EPHA6: variants seen among roughly 807,000 people sequenced by gnomAD.
EPHA6 encodes ephrin type-A receptor 6.
Under a neutral mutation model 112.0 loss-of-function variants are expected in EPHA6, and 50 were observed. The ratio of observed to expected loss-of-function variants is 0.45; its 90% CI spans 0.36 to 0.56. The LOEUF (loss-of-function observed/expected upper bound fraction) is 0.56, where lower values mean the gene tolerates loss of function less well. Among genes scored for constraint, EPHA6 ranks in the 20% least tolerant of loss-of-function variants. The probability of loss-of-function intolerance (pLI) is 0.00; values close to 1 mark genes in which losing one functional copy is unlikely to be tolerated. For missense variants in EPHA6, 1,280 were observed against 1,417.4 expected, an observed-to-expected ratio of 0.90 and a Z score of 1.56; for synonymous variants, 529 against 490.7, an observed-to-expected ratio of 1.08 and a Z score of -1.03.
At chr3:97,084,280 AAGTT>A (rs1470763382) in intron 3 of EPHA6, among the ~76,000 whole-genome samples, 2 of 151,322 alleles carry the variant, frequency 1.3e-5, no homozygotes, top group African/African-American at 4.8e-5. Context: ...TACACAAAAA[AAGTT>A]AGAGCCAAAT....
rs1300752612 is a variant in EPHA6 at position 97,187,675 on chromosome 3, GAGAA to G, written c.1115-38580_1115-38577del. On this transcript the variant is annotated intron_variant, in intron 3 of 17. Transcript: ENST00000389672. ...GAAAGAAAGAAAGGAAAGAAAGAAA[GAGAA>G]AGAAAGAAGGAAAGAAAGAAAGAAA... 5.4e-4 allele frequency among the ~76,000 whole-genome samples: 42 copies of G among 77,110 alleles called. 1 individual carries two copies. Among genetic ancestry groups the G allele is most frequent in the African/African-American group, 1.6e-3 (30 of 18,664 alleles). The allele number at this position is 77,110 out of a possible 152,430, so 50.6% of individuals were successfully genotyped here.
chr3:97,201,047 A>T (rs1285899540), intron 3 of EPHA6, among the ~76,000 whole-genome samples: 2 of 152,160 alleles, frequency 1.3e-5, no homozygotes, highest in African/African-American at 4.8e-5. Context: ...ATAGAGGAAA[A>T]CATGTCTAAA....
intron 14 of EPHA6, among the ~76,000 whole-genome samples, chr3:97,639,890 TG>T (rs1465156046): frequency 2.0e-5 from 3 of 152,140 alleles, no homozygotes; most frequent in Non-Finnish European, 4.4e-5. Flanking sequence ...GATTATGTCT[TG>T]ATTAAGAAAT....
At chr3:96,996,938 A>G (rs1421967696) in intron 3 of EPHA6, among the ~76,000 whole-genome samples, 1 of 151,936 alleles carries the variant, frequency 6.6e-6, no homozygotes, top group Non-Finnish European at 1.5e-5. Flanking sequence ...CTACATTGAA[A>G]CCCTAAATGT....
intron 14 of EPHA6, among the ~76,000 whole-genome samples, chr3:97,691,156 T>C (rs551153533): frequency 2.0e-4 from 30 of 152,228 alleles, no homozygotes; most frequent in Non-Finnish European, 1.8e-4. Flanking sequence ...CTATTGCATA[T>C]GGATATTCAG....
chr3:97,135,689 C>G (rs540699844), intron 3 of EPHA6, among the ~76,000 whole-genome samples: 1 of 150,884 alleles, frequency 6.6e-6, no homozygotes, highest in South Asian at 2.1e-4. Flanking sequence ...GATGCCCATA[C>G]TGCTGGTTCC....
intron 1 of EPHA6, among the ~76,000 whole-genome samples, chr3:96,852,834 T>C (rs1169376922): frequency 1.3e-5 from 2 of 152,116 alleles, no homozygotes; most frequent in African/African-American, 4.8e-5. Context: ...GACAGAAGTA[T>C]TCAGCTAATA....
At chr3:97,170,873 C>G (rs1254039934) in intron 3 of EPHA6, among the ~76,000 whole-genome samples, 1 of 152,184 alleles carries the variant, frequency 6.6e-6, no homozygotes, top group Admixed American at 6.6e-5. Context: ...ACAGGTGTTC[C>G]TCAAGTTAAA....
intron 3 of EPHA6, among the ~76,000 whole-genome samples, chr3:97,198,588 G>A (rs769874735): frequency 2.0e-5 from 3 of 152,088 alleles, no homozygotes; most frequent in African/African-American, 4.8e-5. Flanking sequence ...CAATTAGTGA[G>A]CTCCTCGCTT....
At chr3:96,854,537 T>C (rs1019103203) in intron 1 of EPHA6, among the ~76,000 whole-genome samples, 14 of 152,156 alleles carry the variant, frequency 9.2e-5, no homozygotes, top group South Asian at 4.1e-4. Context: ...GTAATCACCC[T>C]GAAGGCAAAG....
intron 1 of EPHA6, among the ~76,000 whole-genome samples, chr3:96,830,001 C>T: frequency 7.1e-6 from 1 of 140,814 alleles, no homozygotes; most frequent in South Asian, 2.4e-4. Flanking sequence ...AAATGGTATG[C>T]TATTTGCTCC....
chr3:97,511,320 A>G (rs778018227), intron 10 of EPHA6, among the ~76,000 whole-genome samples: 16 of 152,286 alleles, frequency 1.1e-4, no homozygotes, highest in Middle Eastern at 3.4e-3. Context: ...GTATGCACCC[A>G]AGGGAATCTC....
intron 7 of EPHA6, 55 bp from the exon 8 acceptor site, chr3:97,475,297 G>T: frequency 1.5e-6 from 2 of 1,293,524 alleles, no homozygotes; most frequent in Non-Finnish European, 1.1e-6. Flanking sequence ...TTGTAAAATG[G>T]TTTTAATAGT....
intron 3 of EPHA6, among the ~76,000 whole-genome samples, chr3:97,225,099 GCGCCCGCCACCA>G (rs1400306198): frequency 6.6e-6 from 1 of 152,164 alleles, no homozygotes; most frequent in Non-Finnish European, 1.5e-5. Context: ...GGGACTACAG[GCGCCCGCCACCA>G]CGCCCAGCTG....
At chr3:96,988,066 C>G (rs1205938525) in intron 3 of EPHA6, 73 bp downstream of exon 3, 20 of 1,215,404 alleles carry the variant, frequency 1.6e-5, no homozygotes, top group Non-Finnish European at 2.0e-5. Context: ...TTTAAATTAA[C>G]AAATAGTAAT....
At chr3:97,536,749 C>A (rs1219144730) in intron 11 of EPHA6, among the ~76,000 whole-genome samples, 3 of 151,932 alleles carry the variant, frequency 2.0e-5, no homozygotes, top group Non-Finnish European at 4.4e-5. Context: ...ATAGGCATTC[C>A]CCAAAATTTC....
Position 97,725,798 on chromosome 3 carries a change from C to T in EPHA6, c.2934+5388C>T, listed in dbSNP as rs1374864343. Among the ~76,000 whole-genome samples, 3 of 152,042 alleles carry T rather than the reference C, an allele frequency of 2.0e-5. No individual in the cohort carries two copies. The East Asian group carries it at 5.8e-4, about 29-fold the overall frequency. ...CAACCAAAAATATCCCAGATGTTGT[C>T]CCGTCATCAACATAAGATGGAGGGG... On this transcript the variant is annotated intron_variant, in intron 15 of 17. Coordinates refer to ENST00000389672, the MANE Select transcript of EPHA6 (RefSeq NM_001080448.3).
intron 5 of EPHA6, among the ~76,000 whole-genome samples, chr3:97,277,746 T>G (rs561749444): frequency 2.6e-5 from 4 of 152,264 alleles, no homozygotes; most frequent in South Asian, 2.1e-4. Context: ...TACACATATA[T>G]AGAGCAATTA....
chr3:96,881,434 G>C (rs1433355878), intron 2 of EPHA6, among the ~76,000 whole-genome samples: 3 of 152,060 alleles, frequency 2.0e-5, no homozygotes, highest in Non-Finnish European at 4.4e-5. Context: ...AAACTATCAG[G>C]TCTCCTGAGA....
Sources: allele counts gnomAD v4.1 joint callset (sites outside exome capture counted in the v4.1 genomes callset), GRCh38; gene constraint gnomAD v4.1.1; transcripts MANE v1.5; gene names NCBI Gene and HGNC (gene_info 2026-07-23, HGNC 2026-07-21).